The following PDZD7 variants were observed in gnomAD, a reference collection of about 807,000 sequenced individuals.
The protein encoded by PDZD7 is PDZ domain containing 7.
In PDZD7, 72 loss-of-function variants were observed where a neutral mutation model predicts 84.7. The observed-to-expected ratio is 0.85, with a 90% confidence interval of 0.70 to 1.03. The LOEUF (loss-of-function observed/expected upper bound fraction) is 1.03, where lower values mean the gene tolerates loss of function less well. Ranked by LOEUF, PDZD7 falls within the 50% of genes least tolerant of loss-of-function variation. The probability of loss-of-function intolerance (pLI) is 0.00; values close to 1 mark genes in which losing one functional copy is unlikely to be tolerated. For synonymous variants in PDZD7, 594 were observed against 580.7 expected (o/e 1.02, Z -0.33); for missense variants, 1,490 against 1,412.9 (o/e 1.05, Z -0.87).
In PDZD7 at chr10:101,018,098, C is replaced by T. The variant is rs1282484300; in HGVS notation, c.1522+1G>A. 6.2e-7 allele frequency: 1 copy of T among 1,614,174 alleles called. No individual in the cohort carries two copies. Reference sequence around the variant, plus strand: ...TCCTGTTTGATCAGCCCACTACTTACCTTTCTCTATGTCCAGGCGAGGGTA... The same window carrying T: ...TCCTGTTTGATCAGCCCACTACTTATCTTTCTCTATGTCCAGGCGAGGGTA... On this transcript the variant is annotated splice_donor_variant, in intron 9 of 16. Transcript: ENST00000619208. LOFTEE classifies it high-confidence loss of function.
chr10:101,020,738 A>T, intron 6 of PDZD7, 60 bp from the exon 7 acceptor site: 1 of 1,224,308 alleles, frequency 8.2e-7, no homozygotes, highest in Non-Finnish European at 1.2e-6. Flanking sequence ...GAGAGTGAGA[A>T]TGGGGCGGGG....
Position 101,012,195 on chromosome 10 carries a change from C to G in PDZD7, c.1813G>C (p.Glu605Gln), listed in dbSNP as rs1852419161. 3 of 1,550,528 alleles carry G rather than the reference C, an allele frequency of 1.9e-6. No homozygotes were observed. Among genetic ancestry groups the G allele is most frequent in the East Asian group, 4.9e-5 (2 of 40,922 alleles). ...ATGTCCTGCAGCAGTAGCAGCTTCT[C>G]CGGCCTGTCGAGGATGGCCAGCAGG... The part of the protein sequence containing the change: ...RPLLAILDRP[E>Q]KLLLLQDIRS... Residue 605 changes from glutamate to glutamine, a missense_variant, in exon 12 of 17, where the codon GAG (glutamate) becomes CAG (glutamine). Glu to Gln is a conservative substitution (Grantham distance 29). Transcript: ENST00000619208.
At position 101,022,258 on chromosome 10, in the gene PDZD7, AG is replaced by A; in HGVS notation, c.669del (p.Phe224SerfsTer55). The stretch of plus-strand genomic sequence containing the variant: ...AACTCCTTGCCCCCACGGATGTTGA[AG>A]CCCAGGCAGAAGTCGTCGGAGGTTG... ...LYTTSDDFCL[G>X]FNIRGGKEFG... On this transcript the variant is annotated frameshift_variant, in exon 5 of 17. Coordinates refer to ENST00000619208, the MANE Select transcript of PDZD7 (RefSeq NM_001195263.2). LOFTEE classifies it high-confidence loss of function. The A allele has an allele frequency of 6.2e-7, 1 of 1,614,224 alleles. No individual in the cohort carries two copies. The highest frequency in any genetic ancestry group is 8.5e-7 in the Non-Finnish European group (1 of 1,180,044).
intron 3 of PDZD7, 156 bp from the exon 4 acceptor site, chr10:101,023,766 C>T (rs1376241379): frequency 1.4e-6 from 2 of 1,440,820 alleles, no homozygotes; most frequent in Non-Finnish European, 1.9e-6. Context: ...GGGATCTGTC[C>T]CTTAAACCAT....
chr10:101,012,222 G>A lies in PDZD7; in HGVS notation c.1786C>T (p.Pro596Ser), dbSNP rs1321037769. 1 of 1,550,398 alleles carries A rather than the reference G, an allele frequency of 6.4e-7. No individual in the cohort carries two copies. The highest frequency in any genetic ancestry group is 8.7e-7 in the Non-Finnish European group (1 of 1,146,992). ...HEGGIEDLVR[P>S]LLAILDRPEK... ...GGCCTGTCGAGGATGGCCAGCAGGG[G>A]CCTCACCAGGTCCTCTATGCCTCCC... Residue 596 changes from proline (P) to serine (S), a missense_variant, in exon 12 of 17, where the codon CCC becomes TCC. By Grantham distance (74) the Pro-to-Ser change is moderately conservative. Transcript: ENST00000619208.
chr10:101,019,491 G>A (rs2134064121), intron 7 of PDZD7, among the ~76,000 whole-genome samples: 1 of 150,106 alleles, frequency 6.7e-6, no homozygotes, highest in East Asian at 1.9e-4. Context: ...TGGACTGTGT[G>A]AAGGGTCTTG....
chr10:101,015,500 T>C, intron 11 of PDZD7, 136 bp downstream of exon 11: 1 of 936,892 alleles, frequency 1.1e-6, no homozygotes, highest in Non-Finnish European at 1.6e-6. Context: ...GTGACAGGAG[T>C]GACTTCTGAT....
intron 11 of PDZD7, 54 bp from the exon 12 acceptor site, chr10:101,012,312 T>G: frequency 7.2e-7 from 1 of 1,394,188 alleles, no homozygotes; most frequent in Non-Finnish European, 9.9e-7. Context: ...CAGAGCTGAG[T>G]GAGGGGGACA....
intron 2 of PDZD7, among the ~76,000 whole-genome samples, chr10:101,025,477 G>A (rs1313257724): frequency 3.3e-5 from 5 of 151,382 alleles, no homozygotes. Flanking sequence ...CAAAGCATTG[G>A]GATTACAGGA....
rs1852354254 is a variant in PDZD7, at chr10:101,010,457, C to T, written c.2432G>A (p.Arg811His). The T allele has an allele frequency of 6.5e-7, 1 of 1,536,032 alleles. No individual in the cohort carries two copies. The highest frequency in any genetic ancestry group is 2.4e-5 in the East Asian group (1 of 40,900). Residue 811 changes from arginine (R) to histidine (H), a missense_variant, in exon 15 of 17, where the codon CGC becomes CAC. Coordinates refer to ENST00000619208, the MANE Select transcript of PDZD7 (RefSeq NM_001195263.2). ...TCTGGCCTTCCGAGGCTTGTGGTAG[C>T]GCCCATTGGTCATGCTGGGGGCAGG... ...PTPAPSMTNGRYHKPRKARPP... is the reference protein window; with the variant it reads ...PTPAPSMTNGHYHKPRKARPP...
intron 7 of PDZD7, among the ~76,000 whole-genome samples, chr10:101,019,769 G>C (rs2134067889): frequency 6.6e-6 from 1 of 151,612 alleles, no homozygotes; most frequent in East Asian, 1.9e-4. Flanking sequence ...GGTATGACAG[G>C]TGCCCACCAC....
In PDZD7 at chr10:101,012,270, G is replaced by T; in HGVS notation, c.1750-12C>A. The T allele has an allele frequency of 6.5e-7, 1 of 1,546,924 alleles. No individual in the cohort carries two copies. On this transcript the variant is annotated splice_polypyrimidine_tract_variant and intron_variant, in intron 11 of 16. Coordinates refer to ENST00000619208, the MANE Select transcript of PDZD7 (RefSeq NM_001195263.2). The stretch of plus-strand genomic sequence containing the variant: ...CCCTCGTGCACATACTGCAGATAGA[G>T]GCAGCACAGGTCAGACAGCAGTGGG...
At position 101,019,195 on chromosome 10, in the gene PDZD7, C is replaced by A. The variant is rs1564634755; in HGVS notation, c.951G>T (p.Gln317His). 1.3e-6 allele frequency: 2 copies of A among 1,536,006 alleles called. No individual in the cohort carries two copies. Among genetic ancestry groups the A allele is most frequent in the Non-Finnish European group, 1.7e-6 (2 of 1,146,924 alleles). ...AGCTGCTCTCAGAGGCCGGGGACAG[C>A]TGCTGCAGCACCCCGTTGCTCACTG... ...LDRLSNGVLQ[Q>H]LSPASESSSS... Residue 317 changes from glutamine (Q) to histidine (H), a missense_variant, in exon 8 of 17, where the codon CAG becomes CAT. Transcript: ENST00000619208.
At chr10:101,029,948 C>CCCCCCCCCCCCCCCAA in intron 2 of PDZD7, 46 bp downstream of exon 2, 1 of 1,400,526 alleles carries the variant, frequency 7.1e-7, no homozygotes, top group African/African-American at 1.4e-5. Context: ...TTGTCCCCTA[C>CCCCCCCCCCCCCCCAA]CCCCACCCTC....
chr10:101,029,400 C>T (rs1323048507), intron 2 of PDZD7, among the ~76,000 whole-genome samples: 1 of 152,102 alleles, frequency 6.6e-6, no homozygotes, highest in East Asian at 1.9e-4. Context: ...CTCCATGAAG[C>T]GGCATTAAGC....
intron 11 of PDZD7, among the ~76,000 whole-genome samples, chr10:101,012,550 G>A (rs1039366733): frequency 6.6e-6 from 1 of 151,780 alleles, no homozygotes; most frequent in Non-Finnish European, 1.5e-5. Flanking sequence ...CAACCACCCT[G>A]AGAAATGGCA....
chr10:101,017,823 A>G (rs1198017448), intron 9 of PDZD7: 23 of 363,196 alleles, frequency 6.3e-5, no homozygotes, highest in East Asian at 2.0e-4. Flanking sequence ...GAAAGGAAAG[A>G]AAGGAAGGAA....
At chr10:101,022,505 T>G in intron 4 of PDZD7, 120 bp from the exon 5 acceptor site, 1 of 1,159,906 alleles carries the variant, frequency 8.6e-7, no homozygotes, top group African/African-American at 1.5e-5. Flanking sequence ...TCCCCAGGCC[T>G]GAGACCTGCA....
chr10:101,007,738 G>C lies in PDZD7; in HGVS notation c.*729C>G. 2 of 768,418 alleles carry C rather than the reference G, an allele frequency of 2.6e-6. No individual in the cohort carries two copies. The highest frequency in any genetic ancestry group is 3.2e-6 in the Non-Finnish European group (2 of 618,430). The allele number at this position is 768,418 out of a possible 1,614,324, so 47.6% of individuals were successfully genotyped here. A position where few individuals can be genotyped will look rare whatever the true frequency, so the allele number is the denominator to read the frequency against. On this transcript the variant is annotated 3_prime_UTR_variant, in exon 17 of 17. Coordinates refer to ENST00000619208, the MANE Select transcript of PDZD7 (RefSeq NM_001195263.2). ...ACCAAGCAGCCTCTCCCTTCACCCA[G>C]GTTTATGGCCTCGTTTTCACTTGTA...
Sources: allele counts gnomAD v4.1 joint callset (sites outside exome capture counted in the v4.1 genomes callset), GRCh38; gene constraint gnomAD v4.1.1; transcripts MANE v1.5; gene names NCBI Gene and HGNC (gene_info 2026-07-23, HGNC 2026-07-21).